Variants in ARHGAP18 observed in about 807,000 individuals in gnomAD.
ARHGAP18 encodes rho GTPase-activating protein 18.
Under a neutral mutation model 86.2 loss-of-function variants are expected in ARHGAP18, and 67 were observed. That is an observed-to-expected ratio of 0.78 (90% CI 0.64 to 0.95). The LOEUF (loss-of-function observed/expected upper bound fraction) is 0.95. ARHGAP18 is among the 40% of genes least tolerant of loss of function. The pLI, the probability that ARHGAP18 is intolerant of heterozygous loss-of-function variation, is 0.00. For synonymous variants in ARHGAP18, 283 were observed against 280.4 expected, an observed-to-expected ratio of 1.01 and a Z score of -0.09; for missense variants, 691 against 780.4, an observed-to-expected ratio of 0.89 and a Z score of 1.37.
At chr6:129,605,150 C>T (rs1211817874) in intron 10 of ARHGAP18, among the ~76,000 whole-genome samples, 3 of 151,852 alleles carry the variant, frequency 2.0e-5, no homozygotes, top group African/African-American at 7.2e-5. Context: ...TTTCCTTTTT[C>T]TAAGAGTTTA....
In ARHGAP18 at chr6:129,629,537, G is replaced by A. The variant is rs559468438; in HGVS notation, c.617-15C>T. 8.8e-6 allele frequency: 14 copies of A among 1,593,456 alleles called. No individual in the cohort carries two copies. In the Middle Eastern group the frequency reaches 9.1e-4, roughly 103 times the overall value. The stretch of plus-strand genomic sequence containing the variant: ...AGATGCCTCGTCTAGGGGCCCGGGG[G>A]GAAAGAACCCAATTCATATGCTTTA... On this transcript the variant is annotated splice_polypyrimidine_tract_variant and intron_variant, in intron 4 of 14. Coordinates refer to ENST00000368149, the MANE Select transcript of ARHGAP18 (RefSeq NM_033515.3).
chr6:129,678,068 CTTG>C lies in ARHGAP18; in HGVS notation c.113+31953_113+31955del, dbSNP rs1349317586. ...ACATTTCTACCAAAGTAGAATTGTC[CTTG>C]TTGTTGTCAGATAACAGAGAGATGA... is the stretch of plus-strand genomic sequence containing the variant. On this transcript the variant is annotated intron_variant, in intron 1 of 14. Coordinates refer to ENST00000368149, the MANE Select transcript of ARHGAP18 (RefSeq NM_033515.3). Among the ~76,000 whole-genome samples, 13 of 152,266 alleles carry C rather than the reference CTTG, an allele frequency of 8.5e-5. No homozygotes were observed. The East Asian group carries it at 1.9e-3, about 23-fold the overall frequency.
rs34099358 is a variant in ARHGAP18 at position 129,706,885 on chromosome 6, C to CAAA, written c.113+3136_113+3138dup. Among the ~76,000 whole-genome samples the CAAA allele has an allele frequency of 1.9e-3, 114 of 60,998 alleles. 3 individuals are homozygous for CAAA. The highest frequency in any genetic ancestry group is 5.5e-3 in the African/African-American group (82 of 14,960). The allele number at this position is 60,998 out of a possible 152,430, so 40.0% of individuals were successfully genotyped here. ...TGGGTGACAGAGTAAGACTCTGTCT[C>CAAA]AAAAAAAAAAAAAAAAAAAAAAGAC... On this transcript the variant is annotated intron_variant, in intron 1 of 14. Coordinates refer to ENST00000368149, the MANE Select transcript of ARHGAP18 (RefSeq NM_033515.3).
chr6:129,665,140 C>T (rs567932114), intron 1 of ARHGAP18, among the ~76,000 whole-genome samples: 44 of 152,288 alleles, frequency 2.9e-4, no homozygotes, highest in Admixed American at 1.4e-3. Flanking sequence ...TCTTTAGGAT[C>T]TACTCTCTGC....
chr6:129,589,159 T>A (rs1197944613), intron 12 of ARHGAP18, among the ~76,000 whole-genome samples: 1 of 152,230 alleles, frequency 6.6e-6, no homozygotes, highest in African/African-American at 2.4e-5. Context: ...CCTTGTTACT[T>A]CTGCAAATTT....
intron 1 of ARHGAP18, among the ~76,000 whole-genome samples, chr6:129,672,833 C>T (rs868221925): frequency 6.6e-6 from 1 of 152,212 alleles, no homozygotes; most frequent in African/African-American, 2.4e-5. Flanking sequence ...CTCAGTAAAG[C>T]TTTCAAGACC....
At position 129,625,835 on chromosome 6, in the gene ARHGAP18, C is replaced by CATTTATATATTATATATTAT. The variant is rs1562698386; in HGVS notation, c.786+3498_786+3517dup. 2.6e-3 allele frequency among the ~76,000 whole-genome samples: 39 copies of CATTTATATATTATATATTAT among 14,764 alleles called. 1 individual carries two copies. The highest frequency in any genetic ancestry group is 9.7e-3 in the African/African-American group (36 of 3,700). The allele number at this position is 14,764 out of a possible 152,430, so 9.7% of individuals were successfully genotyped here. ...ATATATTTATATATTATATATTATA[C>CATTTATATATTATATATTAT]ATTTATATATTATATATTATATTTA... On this transcript the variant is annotated intron_variant, in intron 5 of 14. Coordinates refer to ENST00000368149, the MANE Select transcript of ARHGAP18 (RefSeq NM_033515.3).
chr6:129,625,887 TTA>T (rs1447197413), intron 5 of ARHGAP18, among the ~76,000 whole-genome samples: 1 of 79,256 alleles, frequency 1.3e-5, no homozygotes, highest in Admixed American at 2.1e-4. Flanking sequence ...TATTTATATA[TTA>T]TATATTATAT....
intron 1 of ARHGAP18, among the ~76,000 whole-genome samples, chr6:129,642,482 G>T (rs1274670849): frequency 1.3e-5 from 2 of 150,820 alleles, no homozygotes; most frequent in African/African-American, 2.4e-5. Context: ...ATGGGGTCTT[G>T]CTGTGTTGCC....
chr6:129,622,063 C>T (rs1324724135), intron 5 of ARHGAP18, among the ~76,000 whole-genome samples: 2 of 152,160 alleles, frequency 1.3e-5, no homozygotes, highest in African/African-American at 4.8e-5. Flanking sequence ...TTAATCACTT[C>T]CGTAACGCTG....
chr6:129,675,232 G>A (rs1052636987), intron 1 of ARHGAP18, among the ~76,000 whole-genome samples: 1 of 152,010 alleles, frequency 6.6e-6, no homozygotes, highest in African/African-American at 2.4e-5. Context: ...CACTCAGGTG[G>A]CTAACCCCCT....
At chr6:129,705,479 A>G (rs943188779) in intron 1 of ARHGAP18, among the ~76,000 whole-genome samples, 3 of 152,214 alleles carry the variant, frequency 2.0e-5, no homozygotes, top group Non-Finnish European at 4.4e-5. Flanking sequence ...AATTGTTACC[A>G]GTTCAAATCA....
intron 8 of ARHGAP18, among the ~76,000 whole-genome samples, chr6:129,611,255 C>A (rs1788973298): frequency 6.6e-6 from 1 of 152,148 alleles, no homozygotes; most frequent in Non-Finnish European, 1.5e-5. Context: ...TCTATCACAA[C>A]TATCCCCACG....
chr6:129,653,442 A>G (rs1554339489), intron 1 of ARHGAP18, among the ~76,000 whole-genome samples: 1 of 152,246 alleles, frequency 6.6e-6, no homozygotes. Context: ...ACTGGTAAGT[A>G]TAGAAGGCCG....
At chr6:129,681,654 A>G (rs1454684206) in intron 1 of ARHGAP18, among the ~76,000 whole-genome samples, 1 of 152,236 alleles carries the variant, frequency 6.6e-6, no homozygotes, top group African/African-American at 2.4e-5. Flanking sequence ...AACAGAATAA[A>G]TAATTCATTT....
At chr6:129,700,312 A>C (rs535386028) in intron 1 of ARHGAP18, among the ~76,000 whole-genome samples, 34 of 152,326 alleles carry the variant, frequency 2.2e-4, no homozygotes, top group African/African-American at 7.9e-4. Context: ...GCTCTACACT[A>C]GATGATTTTC....
intron 5 of ARHGAP18, among the ~76,000 whole-genome samples, chr6:129,625,133 TGA>T (rs1491161749): frequency 6.1e-5 from 1 of 16,502 alleles, no homozygotes; most frequent in African/African-American, 4.6e-4. Context: ...ATATTATATA[TGA>T]TATATATTAT....
At position 129,608,064 on chromosome 6, in the gene ARHGAP18, G is replaced by GA. The variant is rs577070164; in HGVS notation, c.1123-13dup. ...TCTTGGCAAAGATTCTGATAGGCAC[G>GA]AAAAAAAAAAAAAAAAAAAAAAGAA... On this transcript the variant is annotated splice_polypyrimidine_tract_variant and intron_variant, in intron 8 of 14. Transcript: ENST00000368149. 0.042 allele frequency: 41,062 copies of GA among 976,920 alleles called. 145 individuals are homozygous for GA. The highest frequency in any genetic ancestry group is 0.044 in the Admixed American group (661 of 15,008). 60.5% of individuals were successfully genotyped at this position (976,920 alleles called of 1,614,324 possible).
At chr6:129,697,048 C>A (rs1047290867) in intron 1 of ARHGAP18, among the ~76,000 whole-genome samples, 16 of 152,150 alleles carry the variant, frequency 1.1e-4, no homozygotes, top group Non-Finnish European at 2.9e-5. Flanking sequence ...TCATGAGAAG[C>A]CTGGTAGCTT....
Sources: gnomAD v4.1 joint callset for allele counts (sites outside exome capture counted in the v4.1 genomes callset) on GRCh38, gnomAD v4.1.1 for gene constraint, MANE v1.5 for transcripts, NCBI Gene and HGNC (gene_info 2026-07-23, HGNC 2026-07-21) for gene names.